Variants in KANK1 observed in about 807,000 individuals in gnomAD.
The protein encoded by KANK1 is KN motif and ankyrin repeat domain-containing protein 1.
KANK1 carries 109 observed loss-of-function variants against 106.2 expected under a neutral mutation model. That is an observed-to-expected ratio of 1.03 (90% CI 0.88 to 1.20). KANK1 has a LOEUF of 1.20. Among genes scored for constraint, KANK1 ranks in the 50% most tolerant of loss-of-function variants. The pLI, the probability that KANK1 is intolerant of heterozygous loss-of-function variation, is 0.00. For missense variants in KANK1, 2,399 were observed against 1,710.7 expected (o/e 1.40, Z -7.10); for synonymous variants, 873 against 652.2 (o/e 1.34, Z -5.16).
chr9:712,109 T>C lies in KANK1; in HGVS notation c.1343T>C (p.Met448Thr), dbSNP rs1279748319. 1.9e-6 allele frequency: 3 copies of C among 1,614,138 alleles called. No individual in the cohort carries two copies. Among genetic ancestry groups the C allele is most frequent in the Non-Finnish European group, 1.7e-6 (2 of 1,180,038 alleles). The change falls in exon 3 of 12, where the codon ATG becomes ACG. Residue 448 changes from methionine (M) to threonine (T), a missense_variant. Coordinates refer to ENST00000382297, the MANE Select transcript of KANK1 (RefSeq NM_015158.5). ...GTGACAGAGGCCATGCTTGGAGTGATGACTGAAGCTGACAAAGAAATTGAG... is the reference window on the plus strand; with the variant it reads ...GTGACAGAGGCCATGCTTGGAGTGACGACTGAAGCTGACAAAGAAATTGAG... ...VSVTEAMLGV[M>T]TEADKEIELQ...
intron 1 of KANK1, among the ~76,000 whole-genome samples, chr9:660,487 C>G (rs1273208031): frequency 6.6e-6 from 1 of 152,142 alleles, no homozygotes; most frequent in African/African-American, 2.4e-5. Flanking sequence ...ATGCAGTAAA[C>G]TTGAAAGAGC....
chr9:585,552 G>A (rs1387134562), intron 1 of KANK1, among the ~76,000 whole-genome samples: 6 of 152,090 alleles, frequency 3.9e-5, no homozygotes. Flanking sequence ...AAAATATGTA[G>A]TTTGTAAAAA....
chr9:690,463 A>G (rs558709158), intron 2 of KANK1, among the ~76,000 whole-genome samples: 1 of 152,264 alleles, frequency 6.6e-6, no homozygotes, highest in African/African-American at 2.4e-5. Context: ...AAAAGGCTGA[A>G]GTAATCATAC....
intron 1 of KANK1, among the ~76,000 whole-genome samples, chr9:504,967 G>GC (rs2058676400): frequency 6.6e-6 from 1 of 150,932 alleles, no homozygotes; most frequent in African/African-American, 2.4e-5. Context: ...TCCTGGGGGG[G>GC]GGTCCGAGAG....
intron 1 of KANK1, among the ~76,000 whole-genome samples, chr9:636,144 T>G (rs762716107): frequency 1.6e-4 from 24 of 152,300 alleles, no homozygotes; most frequent in Non-Finnish European, 3.2e-4. Flanking sequence ...AATTAAAGAT[T>G]CAGTTTCAGT....
At chr9:570,846 C>G (rs16919886) in intron 1 of KANK1, among the ~76,000 whole-genome samples, 538 of 152,262 alleles carry the variant, frequency 3.5e-3, no homozygotes, top group African/African-American at 0.012. Flanking sequence ...TGCTTAATCT[C>G]TGCATACTAT....
intron 1 of KANK1, among the ~76,000 whole-genome samples, chr9:584,772 A>G (rs1823034429): frequency 6.6e-6 from 1 of 152,228 alleles, no homozygotes; most frequent in Non-Finnish European, 1.5e-5. Context: ...CTCGCTGCAC[A>G]TGGACAGGTG....
intron 1 of KANK1, among the ~76,000 whole-genome samples, chr9:514,278 T>TCCTTCCTA (rs2059186483): frequency 9.1e-6 from 1 of 109,900 alleles, no homozygotes; most frequent in Non-Finnish European, 1.7e-5. Context: ...CTTCCTTCCT[T>TCCTTCCTA]CCTTCCTATT....
chr9:609,690 CAT>C (rs1181558529), intron 1 of KANK1, among the ~76,000 whole-genome samples: 26 of 152,236 alleles, frequency 1.7e-4, no homozygotes, highest in African/African-American at 6.3e-4. Flanking sequence ...ATCCTGCTAA[CAT>C]ATTTTGCCTT....
At chr9:718,741 T>A (rs2131227192) in intron 3 of KANK1, among the ~76,000 whole-genome samples, 1 of 152,288 alleles carries the variant, frequency 6.6e-6, no homozygotes, top group African/African-American at 2.4e-5. Flanking sequence ...TAACTGTTTA[T>A]GTTGGTGACC....
intron 1 of KANK1, among the ~76,000 whole-genome samples, chr9:524,369 G>A (rs1292065164): frequency 1.8e-5 from 2 of 111,274 alleles, no homozygotes; most frequent in Non-Finnish European, 3.3e-5. Flanking sequence ...TTTTTGGAGT[G>A]TATGTGTATA....
intron 2 of KANK1, among the ~76,000 whole-genome samples, chr9:679,382 ATG>A (rs1817056987): frequency 6.6e-6 from 1 of 152,066 alleles, no homozygotes; most frequent in Non-Finnish European, 1.5e-5. Context: ...ACAAACACAA[ATG>A]TGTGTACACC....
chr9:744,604 T>A lies in KANK1; in HGVS notation c.3996+15T>A. 1 of 1,614,078 alleles carries A rather than the reference T, an allele frequency of 6.2e-7. No homozygotes were observed. The highest frequency in any genetic ancestry group is 8.5e-7 in the Non-Finnish European group (1 of 1,179,974). On this transcript the variant is annotated intron_variant, in intron 11 of 11. Transcript: ENST00000382297. ...CCCAGTCTCCGGTCAGTGTTGTGCA[T>A]TTGGCATTTGTAAATAGGCTGAAAT...
At chr9:535,797 C>T (rs1360551790) in intron 1 of KANK1, among the ~76,000 whole-genome samples, 2 of 152,142 alleles carry the variant, frequency 1.3e-5, no homozygotes, top group East Asian at 1.9e-4. Context: ...CTACCATGCT[C>T]GTCACAAGCA....
intron 1 of KANK1, among the ~76,000 whole-genome samples, chr9:669,852 A>G (rs9407351): frequency 0.34 from 52,318 of 151,882 alleles, 9,467 homozygotes; most frequent in Non-Finnish European, 0.4. Flanking sequence ...TTGAACACCA[A>G]TAATTCTTAG....
chr9:599,549 G>A (rs1019057602), intron 1 of KANK1, among the ~76,000 whole-genome samples: 11 of 151,754 alleles, frequency 7.2e-5, no homozygotes, highest in African/African-American at 2.4e-4. Flanking sequence ...TATAGATTGT[G>A]TCTTTCTCTG....
At chr9:473,153 C>T (rs1258665598) in intron 2 of KANK1, 1 of 152,206 alleles carries the variant, frequency 6.6e-6, no homozygotes. Flanking sequence ...TGTGCCAGCT[C>T]ACCTGATCCT....
chr9:709,289 T>G (rs1825236493), intron 2 of KANK1, among the ~76,000 whole-genome samples: 1 of 152,200 alleles, frequency 6.6e-6, no homozygotes, highest in Admixed American at 6.5e-5. Context: ...CTGCCAGAGT[T>G]AATCACTAAA....
chr9:687,056 A>G (rs988705200), intron 2 of KANK1: 1 of 400,702 alleles, frequency 2.5e-6, no homozygotes, highest in Non-Finnish European at 3.4e-6. Context: ...ATACTGCTGC[A>G]TTTCAATTGG....
Sources: allele counts gnomAD v4.1 joint callset (sites outside exome capture counted in the v4.1 genomes callset), GRCh38; gene constraint gnomAD v4.1.1; transcripts MANE v1.5; gene names NCBI Gene and HGNC (gene_info 2026-07-23, HGNC 2026-07-21).